Variants in LGSN observed in about 807,000 individuals in gnomAD.
LGSN encodes lengsin, lens protein with glutamine synthetase domain.
LGSN carries 21 observed loss-of-function variants against 19.5 expected under a neutral mutation model. The ratio of observed to expected loss-of-function variants is 1.07; its 90% CI spans 0.76 to 1.55. The LOEUF (loss-of-function observed/expected upper bound fraction) is 1.55. Among genes scored for constraint, LGSN ranks in the 40% most tolerant of loss-of-function variants. The probability of loss-of-function intolerance (pLI) is 0.00; values close to 1 mark genes in which losing one functional copy is unlikely to be tolerated. For synonymous variants in LGSN, 257 were observed against 215.6 expected (o/e 1.19, Z -1.68); for missense variants, 673 against 608.5 (o/e 1.11, Z -1.12).
chr6:63,431,880 A>T, the LGSN span, among the ~76,000 whole-genome samples: 1 of 151,654 alleles, frequency 6.6e-6, no homozygotes, highest in South Asian at 2.1e-4. Flanking sequence ...CAGCCAGCCC[A>T]ACATGTTATA....
chr6:63,492,299 C>T, the LGSN span, among the ~76,000 whole-genome samples: 2 of 152,196 alleles, frequency 1.3e-5, no homozygotes, highest in East Asian at 3.8e-4. Context: ...GCCAGCCATC[C>T]TGTCCTTTCT....
At chr6:63,297,088 T>C (rs1321914003) in intron 1 of LGSN, among the ~76,000 whole-genome samples, 1 of 151,900 alleles carries the variant, frequency 6.6e-6, no homozygotes, top group Non-Finnish European at 1.5e-5. Context: ...ACACATGTAA[T>C]CCCAGCACTT....
chr6:63,494,266 A>G, the LGSN span, among the ~76,000 whole-genome samples: 2 of 152,232 alleles, frequency 1.3e-5, no homozygotes, highest in South Asian at 4.2e-4. Context: ...AATTATTTCT[A>G]TGGCTCCTTG....
At chr6:63,307,894 C>T (rs1214833825) in intron 1 of LGSN, among the ~76,000 whole-genome samples, 5 of 152,152 alleles carry the variant, frequency 3.3e-5, no homozygotes, top group Non-Finnish European at 7.3e-5. Flanking sequence ...ATCATGAAGG[C>T]ATATCAAGCA....
the LGSN span, among the ~76,000 whole-genome samples, chr6:63,464,218 T>C: frequency 6.6e-6 from 1 of 152,262 alleles, no homozygotes; most frequent in South Asian, 2.1e-4. Flanking sequence ...CATCTGTCAT[T>C]GGGCAGGACT....
chr6:63,485,940 G>A, the LGSN span, among the ~76,000 whole-genome samples: 23 of 152,012 alleles, frequency 1.5e-4, no homozygotes, highest in African/African-American at 4.3e-4. Flanking sequence ...ATGTTGGCCC[G>A]GCTGCTCTGA....
chr6:63,423,745 C>T, the LGSN span, among the ~76,000 whole-genome samples: 5 of 151,960 alleles, frequency 3.3e-5, no homozygotes, highest in South Asian at 1.0e-3. Context: ...AAGAAAAAAA[C>T]TGATAGAACT....
chr6:63,534,635 C>T, the LGSN span, among the ~76,000 whole-genome samples: 4 of 151,916 alleles, frequency 2.6e-5, no homozygotes, highest in African/African-American at 7.3e-5. Flanking sequence ...TAGCAAGACA[C>T]CATGTCTCTA....
At chr6:63,384,586 C>T in the LGSN span, among the ~76,000 whole-genome samples, 6 of 151,456 alleles carry the variant, frequency 4.0e-5, no homozygotes, top group Admixed American at 2.0e-4. Flanking sequence ...GGCACAAGCT[C>T]GGCTCACTAC....
chr6:63,506,232 T>C, the LGSN span, among the ~76,000 whole-genome samples: 1 of 102,972 alleles, frequency 9.7e-6, no homozygotes, highest in Admixed American at 9.6e-5. Flanking sequence ...TAAGTTCTTC[T>C]TGTTGTTGTT....
At chr6:63,357,610 T>G in the LGSN span, among the ~76,000 whole-genome samples, 4 of 152,212 alleles carry the variant, frequency 2.6e-5, no homozygotes, top group Non-Finnish European at 5.9e-5. Flanking sequence ...TCATGTGTCT[T>G]TTGGCTGCAT....
chr6:63,430,081 C>T, the LGSN span, among the ~76,000 whole-genome samples: 1 of 152,180 alleles, frequency 6.6e-6, no homozygotes, highest in South Asian at 2.1e-4. Context: ...TGCCTTATGG[C>T]TTCTGGTCAG....
chr6:63,393,365 G>A, the LGSN span, among the ~76,000 whole-genome samples: 1 of 151,456 alleles, frequency 6.6e-6, no homozygotes, highest in Admixed American at 6.6e-5. Flanking sequence ...TTTTAGTAGA[G>A]ACAGGGTTTC....
chr6:63,479,787 T>C, the LGSN span, among the ~76,000 whole-genome samples: 2 of 152,106 alleles, frequency 1.3e-5, no homozygotes, highest in Non-Finnish European at 2.9e-5. Context: ...AACTCCTCAT[T>C]TTATAGATGA....
chr6:63,279,344 CGTT>C lies in LGSN; in HGVS notation c.*674_*676del, dbSNP rs946671829. The stretch of plus-strand genomic sequence containing the variant: ...TTTAACTACTTTTAAAATCTGACCT[CGTT>C]GTTCTCAGCTCCAATTCTATTCCTT... On this transcript the variant is annotated 3_prime_UTR_variant, in exon 4 of 4. Coordinates refer to ENST00000370657, the MANE Select transcript of LGSN (RefSeq NM_016571.3). 2.0e-5 allele frequency: 3 copies of C among 152,216 alleles called. No homozygotes were observed. Among genetic ancestry groups the C allele is most frequent in the African/African-American group, 7.2e-5 (3 of 41,452 alleles). The allele number at this position is 152,216 out of a possible 1,614,324, so 9.4% of individuals were successfully genotyped here.
the LGSN span, among the ~76,000 whole-genome samples, chr6:63,346,149 G>A: frequency 6.6e-6 from 1 of 151,484 alleles, no homozygotes; most frequent in Non-Finnish European, 1.5e-5. Context: ...TTCTAATAAG[G>A]TCTTTGACAC....
At chr6:63,430,475 G>A in the LGSN span, among the ~76,000 whole-genome samples, 8 of 151,932 alleles carry the variant, frequency 5.3e-5, no homozygotes, top group Non-Finnish European at 8.8e-5. Flanking sequence ...TGCAACCTCC[G>A]TCTCGTAGGT....
the LGSN span, among the ~76,000 whole-genome samples, chr6:63,357,926 G>T: frequency 7.2e-5 from 11 of 152,030 alleles, no homozygotes; most frequent in African/African-American, 2.7e-4. Flanking sequence ...GTCCTGAATG[G>T]TAATGCCTAG....
the LGSN span, among the ~76,000 whole-genome samples, chr6:63,541,121 C>T: frequency 6.6e-6 from 1 of 152,150 alleles, no homozygotes; most frequent in Admixed American, 6.6e-5. Context: ...GTATAATTAA[C>T]TCAACCTGAG....
Sources: gnomAD v4.1 joint callset for allele counts (sites outside exome capture counted in the v4.1 genomes callset) on GRCh38, gnomAD v4.1.1 for gene constraint, MANE v1.5 for transcripts, NCBI Gene and HGNC (gene_info 2026-07-23, HGNC 2026-07-21) for gene names.